Variants in KCNT2 observed in about 807,000 individuals in gnomAD.
KCNT2 encodes the protein potassium sodium-activated channel subfamily T member 2.
In KCNT2, 67 loss-of-function variants were observed where a neutral mutation model predicts 153.8. That is an observed-to-expected ratio of 0.44 (90% CI 0.36 to 0.53). KCNT2 has a LOEUF of 0.53. KCNT2 is among the 20% of genes least tolerant of loss of function. The pLI, the probability that KCNT2 is intolerant of heterozygous loss-of-function variation, is 0.00. For missense variants in KCNT2, 975 were observed against 1,354.8 expected, an observed-to-expected ratio of 0.72 and a Z score of 4.40; for synonymous variants, 500 against 458.8, an observed-to-expected ratio of 1.09 and a Z score of -1.15.
At chr1:196,596,551 C>A (rs1247196032) in intron 1 of KCNT2, among the ~76,000 whole-genome samples, 1 of 152,006 alleles carries the variant, frequency 6.6e-6, no homozygotes, top group Non-Finnish European at 1.5e-5. Context: ...CTATTCATGT[C>A]CTTTGCCCAC....
chr1:196,305,895 A>G (rs1661584725), intron 21 of KCNT2, among the ~76,000 whole-genome samples: 1 of 152,124 alleles, frequency 6.6e-6, no homozygotes, highest in Non-Finnish European at 1.5e-5. Context: ...TAAAGCATTG[A>G]TAGTGTTCCC....
At chr1:196,532,656 C>T (rs1452093196) in intron 1 of KCNT2, among the ~76,000 whole-genome samples, 1 of 151,812 alleles carries the variant, frequency 6.6e-6, no homozygotes, top group Non-Finnish European at 1.5e-5. Flanking sequence ...TAATGTATCA[C>T]CAGGAATGAA....
intron 12 of KCNT2, among the ~76,000 whole-genome samples, chr1:196,410,896 T>G (rs2148481187): frequency 6.6e-6 from 1 of 151,688 alleles, no homozygotes; most frequent in African/African-American, 2.4e-5. Context: ...TTCTCTTTCT[T>G]TTCTTTCTTT....
intron 8 of KCNT2, 105 bp downstream of exon 8, chr1:196,465,184 GTTTA>G (rs1281503796): frequency 1.8e-5 from 11 of 626,426 alleles, no homozygotes; most frequent in Admixed American, 6.2e-5. Flanking sequence ...GTGAATATTT[GTTTA>G]TTTATTTATT....
intron 1 of KCNT2, among the ~76,000 whole-genome samples, chr1:196,551,089 G>A (rs1262615837): frequency 6.6e-6 from 1 of 151,772 alleles, no homozygotes; most frequent in Non-Finnish European, 1.5e-5. Flanking sequence ...TTTGCCTCCA[G>A]GAGATGAGTG....
intron 12 of KCNT2, among the ~76,000 whole-genome samples, chr1:196,415,656 T>C (rs1237637194): frequency 6.6e-6 from 1 of 151,942 alleles, no homozygotes; most frequent in Non-Finnish European, 1.5e-5. Flanking sequence ...CCAAGGGCTG[T>C]AGACACTTCC....
chr1:196,592,339 T>C (rs1467347182), intron 1 of KCNT2, among the ~76,000 whole-genome samples: 1 of 151,382 alleles, frequency 6.6e-6, no homozygotes, highest in Non-Finnish European at 1.5e-5. Flanking sequence ...AGAAGAATGT[T>C]TAATAGAGGC....
chr1:196,384,313 T>A (rs1175588090), intron 13 of KCNT2, among the ~76,000 whole-genome samples: 1 of 152,152 alleles, frequency 6.6e-6, no homozygotes, highest in African/African-American at 2.4e-5. Context: ...AATGTGCATT[T>A]ATGTGAGCCC....
At chr1:196,283,304 G>C (rs180677018) in intron 23 of KCNT2, among the ~76,000 whole-genome samples, 88 of 152,168 alleles carry the variant, frequency 5.8e-4, no homozygotes, top group Admixed American at 2.6e-3. Context: ...AGCTGGGCGT[G>C]GTGGCGGGCA....
chr1:196,254,457 A>T (rs1037397405), intron 26 of KCNT2, among the ~76,000 whole-genome samples: 1 of 151,622 alleles, frequency 6.6e-6, no homozygotes. Context: ...TACTTGTATT[A>T]TTCCTTCCAA....
At chr1:196,286,531 C>G (rs1488313368) in intron 22 of KCNT2, among the ~76,000 whole-genome samples, 1 of 151,972 alleles carries the variant, frequency 6.6e-6, no homozygotes, top group Non-Finnish European at 1.5e-5. Context: ...CCAGTAGTCT[C>G]TAGCTGTCCA....
chr1:196,489,814 G>T, intron 3 of KCNT2, 24 bp downstream of exon 3: 1 of 1,161,824 alleles, frequency 8.6e-7, no homozygotes, highest in East Asian at 2.4e-5. Flanking sequence ...TAATATTGTT[G>T]AAGGTCAGAA....
chr1:196,593,370 A>C (rs770375379), intron 1 of KCNT2, among the ~76,000 whole-genome samples: 16 of 143,156 alleles, frequency 1.1e-4, no homozygotes, highest in Non-Finnish European at 2.1e-4. Flanking sequence ...GTATTTTTTT[A>C]TTTTTTTCTT....
intron 14 of KCNT2, among the ~76,000 whole-genome samples, chr1:196,356,261 A>T (rs973847039): frequency 1.3e-5 from 2 of 151,766 alleles, no homozygotes; most frequent in Non-Finnish European, 2.9e-5. Flanking sequence ...CCAAATACAT[A>T]TAAAAGCAAT....
intron 1 of KCNT2, among the ~76,000 whole-genome samples, chr1:196,573,892 A>T (rs1661056442): frequency 2.0e-5 from 3 of 152,002 alleles, no homozygotes; most frequent in Admixed American, 2.0e-4. Context: ...AGGACTGCAA[A>T]TAAGTTAATA....
chr1:196,319,371 A>G, intron 20 of KCNT2, 113 bp downstream of exon 20: 1 of 556,622 alleles, frequency 1.8e-6, no homozygotes, highest in Non-Finnish European at 3.2e-6. Context: ...AAAATATATC[A>G]TATTTGCAAT....
chr1:196,398,676 A>T lies in KCNT2; in HGVS notation c.1186-5T>A. On this transcript the variant is annotated splice_polypyrimidine_tract_variant and splice_region_variant and intron_variant, in intron 12 of 27. Transcript: ENST00000294725. ...TCTCAAAATTGTTTGGTGATCCTGAAGTGATCAAAATAAAAACATCATAGC... is the reference window on the plus strand; with the variant it reads ...TCTCAAAATTGTTTGGTGATCCTGATGTGATCAAAATAAAAACATCATAGC... The T allele has an allele frequency of 6.8e-7, 1 of 1,461,866 alleles. No individual in the cohort carries two copies. The highest frequency in any genetic ancestry group is 9.5e-7 in the Non-Finnish European group (1 of 1,049,126). 90.6% of individuals were successfully genotyped at this position (1,461,866 alleles called of 1,614,324 possible).
chr1:196,468,200 G>A (rs1220938112), intron 6 of KCNT2, among the ~76,000 whole-genome samples: 2 of 151,970 alleles, frequency 1.3e-5, no homozygotes, highest in Non-Finnish European at 2.9e-5. Flanking sequence ...CACTTTAAGC[G>A]ACATTGCGGA....
At chr1:196,364,491 G>A (rs1572178342) in intron 14 of KCNT2, among the ~76,000 whole-genome samples, 1 of 151,978 alleles carries the variant, frequency 6.6e-6, no homozygotes, top group South Asian at 2.1e-4. Flanking sequence ...GGCTTAATGT[G>A]TTTCTACTGT....
Sources: allele counts gnomAD v4.1 joint callset (sites outside exome capture counted in the v4.1 genomes callset), GRCh38; gene constraint gnomAD v4.1.1; transcripts MANE v1.5; gene names NCBI Gene and HGNC (gene_info 2026-07-23, HGNC 2026-07-21).